MACROH2A2: variants seen among roughly 807,000 people sequenced by gnomAD.
The protein encoded by MACROH2A2 is macroH2A.2 histone, also known as core histone macro-H2A.2.
A neutral mutation model predicts 37.6 loss-of-function variants in MACROH2A2; 6 were observed. The ratio of observed to expected loss-of-function variants is 0.16; its 90% confidence interval spans 0.09 to 0.32. The LOEUF is 0.32. Ranked by LOEUF, MACROH2A2 falls within the 10% of genes least tolerant of loss-of-function variation. MACROH2A2 has a pLI of 1.00. For missense variants in MACROH2A2, 290 were observed against 485.9 expected, an observed-to-expected ratio of 0.60 and a Z score of 3.79; for synonymous variants, 192 against 202.7, an observed-to-expected ratio of 0.95 and a Z score of 0.45.
At chr10:70,067,449 A>G (rs916837334) in intron 1 of MACROH2A2, among the ~76,000 whole-genome samples, 2 of 152,228 alleles carry the variant, frequency 1.3e-5, no homozygotes, top group African/African-American at 4.8e-5. Context: ...TGGACCACAG[A>G]GAAGAAACTG....
rs2072198139 is a variant in MACROH2A2 at position 70,084,305 on chromosome 10, C to G, written c.173-5755C>G. On this transcript the variant is annotated intron_variant, in intron 2 of 8. Transcript: ENST00000373255. The stretch of plus-strand genomic sequence containing the variant: ...AACACACATTTAAGGGAATATCATT[C>G]AAATCCTAGACTACAAAGATTTGTG... Among the ~76,000 whole-genome samples the G allele has an allele frequency of 2.6e-5, 4 of 152,234 alleles. No homozygotes were observed. In the South Asian group the frequency reaches 8.3e-4, roughly 32 times the overall value.
chr10:70,101,676 T>G (rs2072307933), intron 7 of MACROH2A2, among the ~76,000 whole-genome samples: 1 of 152,178 alleles, frequency 6.6e-6, no homozygotes. Flanking sequence ...CCTCAGGCCC[T>G]GGCAAGCACT....
At chr10:70,104,517 A>G (rs991427574) in intron 7 of MACROH2A2, among the ~76,000 whole-genome samples, 15 of 152,212 alleles carry the variant, frequency 9.9e-5, no homozygotes, top group African/African-American at 3.6e-4. Flanking sequence ...TCTAGTAAAA[A>G]TACAAAAATT....
chr10:70,070,987 G>GTGTACA (rs1554821725), intron 1 of MACROH2A2, among the ~76,000 whole-genome samples: 81 of 151,450 alleles, frequency 5.3e-4, no homozygotes, highest in African/African-American at 1.9e-3. Context: ...GTGTGTGTCT[G>GTGTACA]TGTGCATGTG....
chr10:70,104,661 G>A (rs902640987), intron 7 of MACROH2A2, among the ~76,000 whole-genome samples: 5 of 152,190 alleles, frequency 3.3e-5, no homozygotes, highest in African/African-American at 7.2e-5. Context: ...GGTGGCAAGA[G>A]TGAAACTCTG....
At chr10:70,094,935 C>A (rs2072265915) in intron 5 of MACROH2A2, among the ~76,000 whole-genome samples, 1 of 152,138 alleles carries the variant, frequency 6.6e-6, no homozygotes, top group African/African-American at 2.4e-5. Flanking sequence ...TTGTGTTCTT[C>A]TAGGGAGAAT....
chr10:70,084,519 G>T (rs1418959412), intron 2 of MACROH2A2, among the ~76,000 whole-genome samples: 1 of 152,178 alleles, frequency 6.6e-6, no homozygotes, highest in Admixed American at 6.5e-5. Context: ...AGTGAGCCTT[G>T]AGAGCACCAC....
In MACROH2A2 at chr10:70,075,771, A is replaced by C; in HGVS notation, c.113A>C (p.Lys38Thr). 6.2e-7 allele frequency: 1 copy of C among 1,614,118 alleles called. No individual in the cohort carries two copies. The highest frequency in any genetic ancestry group is 8.5e-7 in the Non-Finnish European group (1 of 1,180,004). Reference protein sequence around the residue: ...LMRYLKKGTFKYRISVGAPVY... With the variant: ...LMRYLKKGTFTYRISVGAPVY... ...CGTTATCTGAAGAAAGGGACGTTCA[A>C]GTACCGGATCAGCGTGGGCGCCCCT... is the stretch of plus-strand genomic sequence containing the variant. The change falls in exon 2 of 9, where the codon AAG becomes ACG. Residue 38 changes from lysine to threonine, a missense_variant. Around this residue, in one of 3 missense-constraint regions of MACROH2A2, gnomAD observed 83 missense variants for 159.9 expected, o/e 0.52. Transcript: ENST00000373255. The surrounding 1 kb of genome is among the most constrained non-coding windows in gnomAD (Gnocchi z 5.0).
chr10:70,063,073 G>A (rs900944915), intron 1 of MACROH2A2, among the ~76,000 whole-genome samples: 1 of 151,978 alleles, frequency 6.6e-6, no homozygotes, highest in Non-Finnish European at 1.5e-5. Context: ...GCTGGCAGAG[G>A]GTTTGTTGCA....
At chr10:70,102,463 A>G (rs1480003340) in intron 7 of MACROH2A2, among the ~76,000 whole-genome samples, 2 of 152,198 alleles carry the variant, frequency 1.3e-5, no homozygotes, top group Admixed American at 6.5e-5. Flanking sequence ...TCATGCGTGT[A>G]ATCCCAGCAC....
intron 3 of MACROH2A2, 32 bp downstream of exon 3, chr10:70,090,198 A>G (rs1439943307): frequency 2.1e-6 from 3 of 1,427,010 alleles, no homozygotes; most frequent in East Asian, 2.3e-5. Context: ...AAGCCGTAGA[A>G]TGGGTTTGCC....
chr10:70,074,381 C>A (rs187003232), intron 1 of MACROH2A2, among the ~76,000 whole-genome samples: 71 of 152,326 alleles, frequency 4.7e-4, no homozygotes, highest in Middle Eastern at 6.8e-3. Context: ...TATGGCTTTT[C>A]ATTTGCTATG....
chr10:70,094,160 CA>C (rs10716004), intron 5 of MACROH2A2, among the ~76,000 whole-genome samples: 24,989 of 148,736 alleles, frequency 0.17, 2,211 homozygotes, highest in African/African-American at 0.23. Flanking sequence ...CTACATCTGC[CA>C]AAAAAAAAAT....
At chr10:70,100,437 G>T in intron 7 of MACROH2A2, 140 bp downstream of exon 7, 1 of 583,242 alleles carries the variant, frequency 1.7e-6, no homozygotes, top group Non-Finnish European at 3.1e-6. Flanking sequence ...TAGCATCTCA[G>T]GTAATTTGGG....
rs113774798 is a variant in MACROH2A2 at position 70,090,373 on chromosome 10, T to G, written c.279+207T>G. On this transcript the variant is annotated intron_variant, in intron 3 of 8. Transcript: ENST00000373255. ...CCTCTGGCATAGATCTCATTATATA[T>G]TCTAGGTCTTATCAGACCTTTCTTT... Among the ~76,000 whole-genome samples, 916 of 152,362 alleles carry G rather than the reference T, an allele frequency of 6.0e-3. 11 individuals are homozygous for G. The highest frequency in any genetic ancestry group is 0.021 in the African/African-American group (860 of 41,598).
At chr10:70,085,137 G>A (rs983453169) in intron 2 of MACROH2A2, among the ~76,000 whole-genome samples, 2 of 152,176 alleles carry the variant, frequency 1.3e-5, no homozygotes, top group Admixed American at 6.5e-5. Context: ...GAGTGGGAGA[G>A]GGAAGGATAG....
chr10:70,061,692 C>T (rs779704060), intron 1 of MACROH2A2, among the ~76,000 whole-genome samples: 20 of 152,134 alleles, frequency 1.3e-4, no homozygotes, highest in African/African-American at 2.7e-4. Flanking sequence ...TCCCACTACA[C>T]GACGTGACTT....
At chr10:70,092,093 A>G (rs2072248884) in intron 4 of MACROH2A2, 139 bp downstream of exon 4, 1 of 688,388 alleles carries the variant, frequency 1.5e-6, no homozygotes, top group Admixed American at 2.8e-5. Flanking sequence ...AGATAACTAG[A>G]TCATGAGGGC....
At chr10:70,065,120 C>T (rs1034059995) in intron 1 of MACROH2A2, among the ~76,000 whole-genome samples, 1 of 151,166 alleles carries the variant, frequency 6.6e-6, no homozygotes, top group African/African-American at 2.4e-5. Context: ...GACCTTGGCT[C>T]ACTGCAACCT....
Sources: allele counts gnomAD v4.1 joint callset (sites outside exome capture counted in the v4.1 genomes callset), GRCh38; gene constraint gnomAD v4.1.1; regional missense constraint gnomAD v4.1.1; non-coding constraint Gnocchi (gnomAD v3.1); transcripts MANE v1.5; gene names NCBI Gene and HGNC (gene_info 2026-07-23, HGNC 2026-07-21).